RASAL2: variants seen among roughly 807,000 people sequenced by gnomAD.
RASAL2 encodes the protein ras GTPase-activating protein nGAP.
RASAL2 carries 58 observed loss-of-function variants against 128.9 expected under a neutral mutation model. The observed-to-expected ratio is 0.45, with a 90% CI of 0.36 to 0.56. The LOEUF (loss-of-function observed/expected upper bound fraction) is 0.56, where lower values mean the gene tolerates loss of function less well. RASAL2 is among the 20% of genes least tolerant of loss of function. The pLI is 0.00. For missense variants in RASAL2, 1,360 were observed against 1,601.6 expected (o/e 0.85, Z 2.57); for synonymous variants, 561 against 580.8 (o/e 0.97, Z 0.49).
intron 3 of RASAL2, among the ~76,000 whole-genome samples, chr1:178,330,832 A>G (rs1325562371): frequency 6.6e-6 from 1 of 152,184 alleles, no homozygotes; most frequent in Non-Finnish European, 1.5e-5. Context: ...GAATTTCTAT[A>G]CAATAAATAT....
chr1:178,396,552 A>AT (rs1673240463), intron 4 of RASAL2, among the ~76,000 whole-genome samples: 1 of 152,112 alleles, frequency 6.6e-6, no homozygotes, highest in African/African-American at 2.4e-5. Flanking sequence ...CTATGCAAAA[A>AT]AATATATATA....
chr1:178,300,675 C>A (rs371596777), intron 3 of RASAL2, among the ~76,000 whole-genome samples: 1 of 152,178 alleles, frequency 6.6e-6, no homozygotes, highest in African/African-American at 2.4e-5. Flanking sequence ...AGAAACCTTA[C>A]TTCCATTGTT....
chr1:178,101,385 A>G (rs1454380494), intron 1 of RASAL2, among the ~76,000 whole-genome samples: 1 of 152,146 alleles, frequency 6.6e-6, no homozygotes, highest in African/African-American at 2.4e-5. Context: ...ATAAGGGTTC[A>G]GTTTAGATCC....
At chr1:178,464,567 G>GGTGGGTGTGTGTGTGT (rs1647445728) in intron 15 of RASAL2, among the ~76,000 whole-genome samples, 155 bp downstream of exon 15, 1 of 145,020 alleles carries the variant, frequency 6.9e-6, no homozygotes, top group African/African-American at 2.5e-5. Context: ...ATAGGTCAGT[G>GGTGGGTGTGTGTGTGT]GTGTGTGTGT....
intron 1 of RASAL2, among the ~76,000 whole-genome samples, chr1:178,189,204 A>G (rs563903595): frequency 2.0e-4 from 30 of 152,322 alleles, no homozygotes; most frequent in African/African-American, 7.2e-4. Context: ...CAGCAATAGC[A>G]TAATTACAGT....
intron 5 of RASAL2, among the ~76,000 whole-genome samples, chr1:178,436,797 CA>C (rs1187930845): frequency 6.6e-6 from 1 of 152,036 alleles, no homozygotes; most frequent in Non-Finnish European, 1.5e-5. Flanking sequence ...AGACTGGTCT[CA>C]AATTGCTAAA....
At chr1:178,408,411 A>G (rs1674125338) in intron 4 of RASAL2, among the ~76,000 whole-genome samples, 1 of 152,118 alleles carries the variant, frequency 6.6e-6, no homozygotes, top group African/African-American at 2.4e-5. Flanking sequence ...TTTAAATTTT[A>G]TATTTGGATT....
chr1:178,151,847 A>G (rs376796607), intron 1 of RASAL2, among the ~76,000 whole-genome samples: 1 of 152,194 alleles, frequency 6.6e-6, no homozygotes, highest in Non-Finnish European at 1.5e-5. Context: ...CAGCTGTTCC[A>G]CTGTACCCAG....
chr1:178,354,178 A>C (rs1670670347), intron 3 of RASAL2, among the ~76,000 whole-genome samples: 1 of 152,250 alleles, frequency 6.6e-6, no homozygotes, highest in African/African-American at 2.4e-5. Flanking sequence ...AGTTGGGTTT[A>C]TAACACAAAA....
At chr1:178,390,890 A>T (rs536957194) in intron 4 of RASAL2, among the ~76,000 whole-genome samples, 89 of 151,734 alleles carry the variant, frequency 5.9e-4, no homozygotes, top group African/African-American at 2.1e-3. Flanking sequence ...TAGGAACGGG[A>T]TGTGGTTTTT....
intron 1 of RASAL2, among the ~76,000 whole-genome samples, chr1:178,095,751 T>C (rs959603288): frequency 6.6e-6 from 1 of 152,212 alleles, no homozygotes; most frequent in Non-Finnish European, 1.5e-5. Flanking sequence ...AGACTTAATG[T>C]CCATCGCAAA....
chr1:178,249,913 C>T (rs898371015), intron 1 of RASAL2, among the ~76,000 whole-genome samples: 1 of 152,198 alleles, frequency 6.6e-6, no homozygotes, highest in Non-Finnish European at 1.5e-5. Flanking sequence ...AGCAAAATTG[C>T]TACCTGTTCC....
At chr1:178,224,744 C>T (rs1189889940) in intron 1 of RASAL2, among the ~76,000 whole-genome samples, 1 of 152,054 alleles carries the variant, frequency 6.6e-6, no homozygotes, top group East Asian at 1.9e-4. Flanking sequence ...ATAGAATATT[C>T]GTATAGAAAA....
chr1:178,250,413 A>G (rs1664988099), intron 1 of RASAL2, among the ~76,000 whole-genome samples: 1 of 152,164 alleles, frequency 6.6e-6, no homozygotes, highest in African/African-American at 2.4e-5. Flanking sequence ...GCAATGGCGG[A>G]CGCCCCAACC....
intron 3 of RASAL2, among the ~76,000 whole-genome samples, chr1:178,305,408 G>A (rs998607313): frequency 1.1e-4 from 17 of 152,104 alleles, no homozygotes; most frequent in East Asian, 1.9e-4. Context: ...ACAGTACAGA[G>A]GTATAGTAAC....
At chr1:178,403,320 A>G (rs1673770795) in intron 4 of RASAL2, among the ~76,000 whole-genome samples, 1 of 152,156 alleles carries the variant, frequency 6.6e-6, no homozygotes, top group Non-Finnish European at 1.5e-5. Flanking sequence ...TTAATAATTC[A>G]CATTAATCAT....
At chr1:178,409,931 G>A (rs114872146) in intron 4 of RASAL2, among the ~76,000 whole-genome samples, 35 of 152,262 alleles carry the variant, frequency 2.3e-4, no homozygotes, top group South Asian at 1.4e-3. Flanking sequence ...GGTTTCATCC[G>A]GTACAGCTAT....
chr1:178,292,995 A>G (rs1667346794), intron 2 of RASAL2, among the ~76,000 whole-genome samples: 1 of 152,186 alleles, frequency 6.6e-6, no homozygotes, highest in South Asian at 2.1e-4. Flanking sequence ...TGTTGATGAA[A>G]ATATCAGTCT....
intron 1 of RASAL2, among the ~76,000 whole-genome samples, chr1:178,241,140 T>C (rs1290818636): frequency 1.3e-5 from 2 of 152,048 alleles, no homozygotes; most frequent in East Asian, 1.9e-4. Flanking sequence ...GGTTTTGACA[T>C]TTATGCTTCT....
Sources: allele counts gnomAD v4.1 joint callset (sites outside exome capture counted in the v4.1 genomes callset), GRCh38; gene constraint gnomAD v4.1.1; transcripts MANE v1.5; gene names NCBI Gene and HGNC (gene_info 2026-07-23, HGNC 2026-07-21).